Variants in DLG2 observed in about 807,000 individuals in gnomAD.
The protein encoded by DLG2 is disks large homolog 2.
A neutral mutation model predicts 132.5 loss-of-function variants in DLG2; 45 were observed. The ratio of observed to expected loss-of-function variants is 0.34; its 90% CI spans 0.27 to 0.44. The LOEUF (loss-of-function observed/expected upper bound fraction) is 0.44. Ranked by LOEUF, DLG2 falls within the 20% of genes least tolerant of loss-of-function variation. The pLI is 1.00. For synonymous variants in DLG2, 424 were observed against 419.6 expected, an observed-to-expected ratio of 1.01 and a Z score of -0.13; for missense variants, 1,045 against 1,196.9, an observed-to-expected ratio of 0.87 and a Z score of 1.87.
chr11:84,133,222 A>G (rs1168812835), intron 9 of DLG2, among the ~76,000 whole-genome samples: 1 of 152,076 alleles, frequency 6.6e-6, no homozygotes, highest in Non-Finnish European at 1.5e-5. Flanking sequence ...TTTAAAATGT[A>G]AAAAGCAAAT....
chr11:84,713,884 G>T (rs1565745233), intron 6 of DLG2, among the ~76,000 whole-genome samples: 1 of 151,942 alleles, frequency 6.6e-6, no homozygotes, highest in Non-Finnish European at 1.5e-5. Flanking sequence ...GGGGAAAAAA[G>T]CCAAAATATC....
At chr11:84,270,860 G>A (rs760230425) in intron 7 of DLG2, among the ~76,000 whole-genome samples, 1 of 152,094 alleles carries the variant, frequency 6.6e-6, no homozygotes, top group African/African-American at 2.4e-5. Context: ...TATTTTAAAG[G>A]AGGCAATTAT....
intron 7 of DLG2, among the ~76,000 whole-genome samples, chr11:84,493,726 G>C (rs186373755): frequency 6.6e-6 from 1 of 152,018 alleles, no homozygotes; most frequent in African/African-American, 2.4e-5. Flanking sequence ...ACTGTAAAAT[G>C]AGGATAATAA....
intron 3 of DLG2, among the ~76,000 whole-genome samples, chr11:85,356,026 G>C (rs566266469): frequency 6.6e-6 from 1 of 152,192 alleles, no homozygotes; most frequent in African/African-American, 2.4e-5. Flanking sequence ...TAGACCCAGA[G>C]CTTAGAGATG....
intron 8 of DLG2, among the ~76,000 whole-genome samples, chr11:84,170,054 G>C (rs1307204057): frequency 1.3e-5 from 2 of 152,130 alleles, no homozygotes; most frequent in East Asian, 3.9e-4. Context: ...AGCACAGGTT[G>C]TATATTAACC....
rs1372359224 is a variant in DLG2 at position 83,458,219 on chromosome 11, C to G, written c.*1599G>C. 1 of 152,624 alleles carries G rather than the reference C, an allele frequency of 6.6e-6. No homozygotes were observed. 9.5% of individuals were successfully genotyped at this position (152,624 alleles called of 1,614,324 possible). A position where few individuals can be genotyped will look rare whatever the true frequency, so the allele number is the denominator to read the frequency against. ...GTTATTATCACTGAAAAGTCTCTCC[C>G]CAAACACCATGGGCAAAAGCAATGC... On this transcript the variant is annotated 3_prime_UTR_variant, in exon 28 of 28. Coordinates refer to ENST00000376104, the MANE Select transcript of DLG2 (RefSeq NM_001142699.3).
intron 8 of DLG2, among the ~76,000 whole-genome samples, chr11:84,176,556 G>GC (rs2095974249): frequency 2.0e-5 from 3 of 151,676 alleles, no homozygotes; most frequent in Admixed American, 2.0e-4. Context: ...AAAAGTATAA[G>GC]CAATATATTT....
At chr11:83,924,709 T>C (rs1020545417) in intron 15 of DLG2, among the ~76,000 whole-genome samples, 1 of 152,080 alleles carries the variant, frequency 6.6e-6, no homozygotes, top group Non-Finnish European at 1.5e-5. Context: ...ATTCAGGGGC[T>C]TACCATAACT....
At chr11:83,749,496 T>C (rs981154022) in intron 18 of DLG2, among the ~76,000 whole-genome samples, 1 of 152,182 alleles carries the variant, frequency 6.6e-6, no homozygotes, top group African/African-American at 2.4e-5. Context: ...TTGGTTATAC[T>C]GTCTCCTCTT....
intron 4 of DLG2, among the ~76,000 whole-genome samples, chr11:85,174,626 T>G (rs904301566): frequency 1.3e-5 from 2 of 151,938 alleles, no homozygotes; most frequent in East Asian, 3.9e-4. Flanking sequence ...AGAGTGGAAC[T>G]AAGGAGACAG....
chr11:83,633,263 T>C lies in DLG2; in HGVS notation c.1888A>G (p.Ser630Gly). The C allele has an allele frequency of 6.2e-7, 1 of 1,613,736 alleles. No individual in the cohort carries two copies. The highest frequency in any genetic ancestry group is 8.5e-7 in the Non-Finnish European group (1 of 1,179,758). Residue 630 changes from serine (S) to glycine (G), a missense_variant, in exon 19 of 28, where the codon AGC (serine) becomes GGC (glycine). By Grantham distance (56) the Ser-to-Gly change is moderately conservative. Coordinates refer to ENST00000376104, the MANE Select transcript of DLG2 (RefSeq NM_001142699.3). Reference protein sequence around the residue: ...LREQMMNHSMSSGSGSLRTNQ... With the variant: ...LREQMMNHSMGSGSGSLRTNQ... ...GTTCGCAGGGATCCGGACCCGGAGC[T>C]CATGCTGTGGTTCATCATCTGCTCT...
At chr11:83,617,124 T>C (rs1047433714) in intron 19 of DLG2, among the ~76,000 whole-genome samples, 4 of 152,232 alleles carry the variant, frequency 2.6e-5, no homozygotes, top group African/African-American at 9.6e-5. Context: ...GTTGGTCTTT[T>C]ATATTTCCAT....
At chr11:83,545,950 T>G (rs1328543779) in intron 19 of DLG2, among the ~76,000 whole-genome samples, 1 of 152,166 alleles carries the variant, frequency 6.6e-6, no homozygotes, top group Non-Finnish European at 1.5e-5. Context: ...TTTAATTTGC[T>G]TTATGTGTTA....
chr11:85,221,726 T>G (rs1392395527), intron 4 of DLG2, among the ~76,000 whole-genome samples: 1 of 152,186 alleles, frequency 6.6e-6, no homozygotes, highest in East Asian at 1.9e-4. Flanking sequence ...TTGAGGAAAC[T>G]GAAGCTCAAA....
intron 6 of DLG2, among the ~76,000 whole-genome samples, chr11:84,727,539 C>G (rs2062629764): frequency 6.6e-6 from 1 of 152,118 alleles, no homozygotes; most frequent in Non-Finnish European, 1.5e-5. Flanking sequence ...ATGCCTCCAG[C>G]TTTCTTCTTC....
At chr11:85,403,898 G>T (rs939174663) in intron 3 of DLG2, among the ~76,000 whole-genome samples, 1 of 151,994 alleles carries the variant, frequency 6.6e-6, no homozygotes, top group Non-Finnish European at 1.5e-5. Flanking sequence ...AGAGCTAGGG[G>T]TAAATTCAAA....
In DLG2 at chr11:83,997,043, G is replaced by A. The variant is rs572972197; in HGVS notation, c.920-16401C>T. 2.8e-4 allele frequency among the ~76,000 whole-genome samples: 43 copies of A among 151,498 alleles called. 1 individual carries two copies. The highest frequency in any genetic ancestry group is 3.4e-3 in the Middle Eastern group (1 of 294). ...CCACTCTCCATGATATGCTTACTTC[G>A]CGTGACATGCCTGTATCAAAATATC... is the stretch of plus-strand genomic sequence containing the variant. On this transcript the variant is annotated intron_variant, in intron 11 of 27. Coordinates refer to ENST00000376104, the MANE Select transcript of DLG2 (RefSeq NM_001142699.3).
At chr11:85,092,705 C>T (rs1298238577) in intron 6 of DLG2, among the ~76,000 whole-genome samples, 3 of 150,786 alleles carry the variant, frequency 2.0e-5, no homozygotes, top group African/African-American at 4.9e-5. Flanking sequence ...TGCAGTGACA[C>T]GATCTCGGCT....
intron 6 of DLG2, among the ~76,000 whole-genome samples, chr11:84,945,633 G>A (rs1278250257): frequency 6.6e-6 from 1 of 152,182 alleles, no homozygotes; most frequent in Non-Finnish European, 1.5e-5. Context: ...TAGGCTTATG[G>A]CCTTTTCTTT....
Sources: allele counts gnomAD v4.1 joint callset (sites outside exome capture counted in the v4.1 genomes callset), GRCh38; gene constraint gnomAD v4.1.1; transcripts MANE v1.5; gene names NCBI Gene and HGNC (gene_info 2026-07-23, HGNC 2026-07-21).